The following RALYL variants were observed in gnomAD, a reference collection of about 807,000 sequenced individuals.
RALYL encodes the protein RNA-binding Raly-like protein.
In RALYL, 29 loss-of-function variants were observed where a neutral mutation model predicts 35.1. The ratio of observed to expected loss-of-function variants is 0.83; its 90% CI spans 0.61 to 1.13. RALYL has a LOEUF of 1.13. RALYL is among the 50% of genes most tolerant of loss of function. The pLI is 0.00. For synonymous variants in RALYL, 120 were observed against 127.6 expected (o/e 0.94, Z 0.40); for missense variants, 359 against 360.4 (o/e 1.00, Z 0.03).
chr8:84,739,691 TA>T (rs975997818), intron 2 of RALYL, among the ~76,000 whole-genome samples: 1 of 151,798 alleles, frequency 6.6e-6, no homozygotes, highest in Non-Finnish European at 1.5e-5. Flanking sequence ...TAGATGTAGT[TA>T]GGGGATTGAA....
intron 2 of RALYL, among the ~76,000 whole-genome samples, chr8:84,666,452 C>T (rs769033530): frequency 2.6e-5 from 4 of 151,950 alleles, no homozygotes; most frequent in Non-Finnish European, 5.9e-5. Context: ...GAACTCTGTA[C>T]TTATGGGAGG....
intron 4 of RALYL, among the ~76,000 whole-genome samples, chr8:84,831,618 A>G (rs1055035254): frequency 6.6e-6 from 1 of 152,166 alleles, no homozygotes; most frequent in Non-Finnish European, 1.5e-5. Context: ...GACTATGTAG[A>G]AAAATAATCA....
intron 1 of RALYL, among the ~76,000 whole-genome samples, chr8:84,475,735 A>T (rs2053323249): frequency 6.6e-6 from 1 of 152,196 alleles, no homozygotes; most frequent in African/African-American, 2.4e-5. Flanking sequence ...GAAGTTATTG[A>T]AGGTATGGTC....
chr8:84,185,557 C>T (rs1898466), intron 1 of RALYL, among the ~76,000 whole-genome samples: 19,169 of 151,938 alleles, frequency 0.13, 3,155 homozygotes, highest in African/African-American at 0.38. Context: ...TTTTTCTGTC[C>T]AAATAAATTT....
intron 2 of RALYL, among the ~76,000 whole-genome samples, chr8:84,708,754 C>T (rs1409764398): frequency 6.6e-6 from 1 of 151,952 alleles, no homozygotes; most frequent in Non-Finnish European, 1.5e-5. Context: ...CTGTAACCTC[C>T]CTTGCTGAAA....
At chr8:84,559,764 G>GAT (rs1010686176) in intron 2 of RALYL, among the ~76,000 whole-genome samples, 5 of 151,956 alleles carry the variant, frequency 3.3e-5, no homozygotes, top group African/African-American at 1.2e-4. Flanking sequence ...GACATCTCAG[G>GAT]ATATGACCAA....
chr8:84,515,450 C>T (rs2057984844), intron 1 of RALYL, among the ~76,000 whole-genome samples: 1 of 152,106 alleles, frequency 6.6e-6, no homozygotes, highest in South Asian at 2.1e-4. Flanking sequence ...AGCATATATT[C>T]CTTTCAATGT....
intron 1 of RALYL, among the ~76,000 whole-genome samples, chr8:84,253,669 A>G (rs1168401961): frequency 6.6e-6 from 1 of 152,146 alleles, no homozygotes; most frequent in Non-Finnish European, 1.5e-5. Context: ...TGACAGGTAA[A>G]CATTCACATC....
intron 2 of RALYL, among the ~76,000 whole-genome samples, chr8:84,622,626 G>T (rs973266915): frequency 6.6e-6 from 1 of 152,138 alleles, no homozygotes; most frequent in Non-Finnish European, 1.5e-5. Context: ...TTCCAGGGAA[G>T]TCTCTCTCAG....
intron 1 of RALYL, among the ~76,000 whole-genome samples, chr8:84,490,457 A>G (rs2055162896): frequency 6.6e-6 from 1 of 152,010 alleles, no homozygotes; most frequent in Non-Finnish European, 1.5e-5. Flanking sequence ...GAAGCCAAGC[A>G]TCTTCGGTTG....
chr8:84,681,234 T>C (rs1163577508), intron 2 of RALYL, among the ~76,000 whole-genome samples: 2 of 152,332 alleles, frequency 1.3e-5, no homozygotes, highest in East Asian at 3.9e-4. Flanking sequence ...ACCAGTACCA[T>C]GGTGTTTTGG....
chr8:84,366,671 AG>A (rs1304692929), intron 1 of RALYL, among the ~76,000 whole-genome samples: 2 of 141,852 alleles, frequency 1.4e-5, no homozygotes. Flanking sequence ...GCTACTTGGG[AG>A]GCTGAGGCAA....
intron 1 of RALYL, among the ~76,000 whole-genome samples, chr8:84,278,417 G>A (rs951183949): frequency 2.6e-5 from 4 of 152,212 alleles, no homozygotes; most frequent in Non-Finnish European, 5.9e-5. Context: ...TGCCATGAAG[G>A]TCTGTGGAGA....
intron 2 of RALYL, among the ~76,000 whole-genome samples, chr8:84,731,610 A>G (rs1008736865): frequency 1.1e-4 from 17 of 152,142 alleles, no homozygotes; most frequent in Non-Finnish European, 1.5e-5. Flanking sequence ...AACATCTTGT[A>G]TCTGGGCTAC....
intron 1 of RALYL, among the ~76,000 whole-genome samples, chr8:84,338,988 A>G (rs573704958): frequency 6.4e-4 from 97 of 152,220 alleles, no homozygotes; most frequent in Non-Finnish European, 9.3e-4. Context: ...TAAGTTCACA[A>G]AATATAAGAG....
intron 5 of RALYL, among the ~76,000 whole-genome samples, chr8:84,851,318 G>T (rs1217562606): frequency 6.6e-6 from 1 of 152,074 alleles, no homozygotes; most frequent in Non-Finnish European, 1.5e-5. Flanking sequence ...ATTTATTTGT[G>T]GAAAAGCTAG....
At chr8:84,762,150 G>C (rs1053662129) in intron 2 of RALYL, among the ~76,000 whole-genome samples, 2 of 152,102 alleles carry the variant, frequency 1.3e-5, no homozygotes, top group African/African-American at 4.8e-5. Context: ...AAGGGCAAGA[G>C]AGGGAATGCA....
At chr8:84,424,237 C>G (rs2046058806) in intron 1 of RALYL, among the ~76,000 whole-genome samples, 1 of 148,966 alleles carries the variant, frequency 6.7e-6, no homozygotes, top group African/African-American at 2.5e-5. Flanking sequence ...TTCTTGGAGG[C>G]TTTGCTCATT....
At chr8:84,449,510 C>T (rs1194415629) in intron 1 of RALYL, among the ~76,000 whole-genome samples, 2 of 151,918 alleles carry the variant, frequency 1.3e-5, no homozygotes, top group Non-Finnish European at 2.9e-5. Flanking sequence ...GGATTTTCTC[C>T]TTTTAACTGT....
Sources: allele counts gnomAD v4.1 joint callset (sites outside exome capture counted in the v4.1 genomes callset), GRCh38; gene constraint gnomAD v4.1.1; transcripts MANE v1.5; gene names NCBI Gene and HGNC (gene_info 2026-07-23, HGNC 2026-07-21).